EXT1: variants seen among roughly 807,000 people sequenced by gnomAD.
The protein encoded by EXT1 is exostosin glycosyltransferase 1.
EXT1 carries 20 observed loss-of-function variants against 82.5 expected under a neutral mutation model. The ratio of observed to expected loss-of-function variants is 0.24; its 90% confidence interval spans 0.17 to 0.35. EXT1 has a LOEUF of 0.35. Among genes scored for constraint, EXT1 ranks in the 10% least tolerant of loss-of-function variants. The probability of loss-of-function intolerance (pLI) is 1.00; values close to 1 mark genes in which losing one functional copy is unlikely to be tolerated. For missense variants in EXT1, 757 were observed against 936.5 expected, an observed-to-expected ratio of 0.81 and a Z score of 2.50; for synonymous variants, 348 against 350.8, an observed-to-expected ratio of 0.99 and a Z score of 0.09.
At chr8:118,066,836 C>T (rs1816996780) in intron 1 of EXT1, among the ~76,000 whole-genome samples, 3 of 152,100 alleles carry the variant, frequency 2.0e-5, no homozygotes, top group Non-Finnish European at 4.4e-5. Flanking sequence ...GTCAGCACCC[C>T]CTAATCTACA....
At chr8:117,858,792 AGGCAAGGCAAGGCAAGGCAG>A (rs1411586476) in intron 1 of EXT1, among the ~76,000 whole-genome samples, 2 of 54,582 alleles carry the variant, frequency 3.7e-5, no homozygotes, top group Admixed American at 1.9e-4. Context: ...CAGGCAGGCA[AGGCAAGGCAAGGCAAGGCAG>A]GAAGGAAGGA....
chr8:117,823,627 T>G (rs2129752530), intron 4 of EXT1, among the ~76,000 whole-genome samples: 1 of 152,288 alleles, frequency 6.6e-6, no homozygotes, highest in Non-Finnish European at 1.5e-5. Context: ...TAAATGGAGT[T>G]TTATTATTTG....
chr8:117,974,387 G>A (rs943241350), intron 1 of EXT1, among the ~76,000 whole-genome samples: 1 of 152,110 alleles, frequency 6.6e-6, no homozygotes, highest in South Asian at 2.1e-4. Context: ...TCTCCTCCAT[G>A]CTTCCTCATC....
In EXT1 at chr8:118,110,969, C is replaced by A. The variant is rs1817892776; in HGVS notation, c.78G>T (p.Leu26Phe). Residue 26 changes from leucine to phenylalanine, a missense_variant, in exon 1 of 11, where the codon TTG becomes TTT. Transcript: ENST00000378204. ...CLALLFYFGG[L>F]QFRASRSHSR... ...TGTGGCTCCTCGATGCCCTAAACTG[C>A]AAGCCTCCGAAATAAAACAAAAGGG... 2 of 1,611,526 alleles carry A rather than the reference C, an allele frequency of 1.2e-6. No individual in the cohort carries two copies. Among genetic ancestry groups the A allele is most frequent in the Non-Finnish European group, 1.7e-6 (2 of 1,180,002 alleles).
At chr8:117,901,541 C>T (rs1201979149) in intron 1 of EXT1, among the ~76,000 whole-genome samples, 4 of 152,122 alleles carry the variant, frequency 2.6e-5, no homozygotes, top group Admixed American at 6.5e-5. Context: ...GGCTACACTA[C>T]ATTTATTTTA....
At chr8:117,979,246 C>T (rs181980109) in intron 1 of EXT1, among the ~76,000 whole-genome samples, 5 of 151,820 alleles carry the variant, frequency 3.3e-5, no homozygotes, top group Non-Finnish European at 5.9e-5. Context: ...CCCAGCTACT[C>T]GGGAGGCTGA....
chr8:117,980,758 T>G (rs1284862772), intron 1 of EXT1, among the ~76,000 whole-genome samples: 1 of 147,818 alleles, frequency 6.8e-6, no homozygotes, highest in Non-Finnish European at 1.5e-5. Context: ...AGTGGAAACT[T>G]CGCTCTGGTT....
intron 1 of EXT1, among the ~76,000 whole-genome samples, chr8:117,949,202 T>C (rs1348580246): frequency 6.6e-6 from 1 of 152,180 alleles, no homozygotes; most frequent in African/African-American, 2.4e-5. Context: ...TTATTAAGTA[T>C]ATTAGGAATT....
chr8:118,106,072 C>A lies in EXT1; in HGVS notation c.962+4013G>T, dbSNP rs548976937. On this transcript the variant is annotated intron_variant, in intron 1 of 10. Transcript: ENST00000378204. ...AAACAAACAGGCAAAATGTAAACTC[C>A]CAGAGCAAGAGTTTGTAAGTCTGAG... Among the ~76,000 whole-genome samples, 3 of 152,168 alleles carry A rather than the reference C, an allele frequency of 2.0e-5. No individual in the cohort carries two copies. In the South Asian group the frequency reaches 6.2e-4, roughly 32 times the overall value.
chr8:118,060,035 C>T (rs898061304), intron 1 of EXT1, among the ~76,000 whole-genome samples: 4 of 152,142 alleles, frequency 2.6e-5, no homozygotes, highest in African/African-American at 9.7e-5. Flanking sequence ...AAAATCTTCT[C>T]CAAAAATACT....
chr8:117,825,416 G>A (rs1811994466), intron 4 of EXT1, among the ~76,000 whole-genome samples: 1 of 152,104 alleles, frequency 6.6e-6, no homozygotes, highest in South Asian at 2.1e-4. Context: ...TGTGGTGGAA[G>A]AAGACATCAC....
intron 1 of EXT1, among the ~76,000 whole-genome samples, chr8:118,024,294 A>G (rs1816165547): frequency 6.6e-6 from 1 of 152,216 alleles, no homozygotes; most frequent in Non-Finnish European, 1.5e-5. Context: ...ATGGTTAGAA[A>G]CAACAAAAAG....
chr8:117,919,651 C>T (rs1263516509), intron 1 of EXT1, among the ~76,000 whole-genome samples: 2 of 151,862 alleles, frequency 1.3e-5, no homozygotes, highest in Non-Finnish European at 2.9e-5. Flanking sequence ...ACCACAGGCA[C>T]GTGCTACTAT....
intron 1 of EXT1, among the ~76,000 whole-genome samples, chr8:117,918,225 G>C (rs747479602): frequency 6.6e-6 from 1 of 152,166 alleles, no homozygotes; most frequent in Non-Finnish European, 1.5e-5. Context: ...CAACTTTCTA[G>C]AATTTCACTG....
intron 1 of EXT1, among the ~76,000 whole-genome samples, chr8:117,888,608 T>C (rs537437382): frequency 6.6e-6 from 1 of 152,324 alleles, no homozygotes; most frequent in South Asian, 2.1e-4. Context: ...CACCATTTTC[T>C]GATCTCAGAT....
At chr8:117,829,928 G>A (rs1812070425) in intron 4 of EXT1, among the ~76,000 whole-genome samples, 1 of 152,072 alleles carries the variant, frequency 6.6e-6, no homozygotes, top group Non-Finnish European at 1.5e-5. Flanking sequence ...ATGCCATTGA[G>A]TGTAAATGAC....
At chr8:117,877,620 A>T (rs1213439905) in intron 1 of EXT1, among the ~76,000 whole-genome samples, 1 of 152,192 alleles carries the variant, frequency 6.6e-6, no homozygotes, top group Non-Finnish European at 1.5e-5. Context: ...CAGTAATGCT[A>T]CTTAAATCCA....
At chr8:117,980,842 C>T (rs992532514) in intron 1 of EXT1, among the ~76,000 whole-genome samples, 2 of 151,886 alleles carry the variant, frequency 1.3e-5, no homozygotes, top group African/African-American at 2.4e-5. Flanking sequence ...AAGGCCAAGC[C>T]GCAGTCCCCG....
chr8:118,017,737 C>A (rs143109548), intron 1 of EXT1, among the ~76,000 whole-genome samples: 2 of 152,172 alleles, frequency 1.3e-5, no homozygotes, highest in African/African-American at 4.8e-5. Flanking sequence ...CAACATAATT[C>A]GAGACTGTGA....
Sources: allele counts gnomAD v4.1 joint callset (sites outside exome capture counted in the v4.1 genomes callset), GRCh38; gene constraint gnomAD v4.1.1; transcripts MANE v1.5; gene names NCBI Gene and HGNC (gene_info 2026-07-23, HGNC 2026-07-21).